Variants in MEX3D observed in about 807,000 individuals in gnomAD.
MEX3D encodes RNA-binding protein MEX3D.
Under a neutral mutation model 6.3 loss-of-function variants are expected in MEX3D, and 4 were observed. That is an observed-to-expected ratio of 0.64 (90% CI 0.31 to 1.46). MEX3D has a LOEUF of 1.46. Ranked by LOEUF, MEX3D falls within the 40% of genes most tolerant of loss-of-function variation. The pLI is 0.07. For missense variants in MEX3D, 1,038 were observed against 994.4 expected (o/e 1.04, Z -0.59); for synonymous variants, 626 against 494.1 (o/e 1.27, Z -3.54).
chr19:1,565,676 C>G (rs539773373), intron 1 of MEX3D, among the ~76,000 whole-genome samples: 1 of 152,196 alleles, frequency 6.6e-6, no homozygotes, highest in Non-Finnish European at 1.5e-5. Context: ...AATCAGGGCC[C>G]ACTCTACCCC....
chr19:1,556,064 G>A lies in MEX3D; in HGVS notation c.1455C>T (p.Phe485=). 1 of 1,392,904 alleles carries A rather than the reference G, an allele frequency of 7.2e-7. No individual in the cohort carries two copies. Among genetic ancestry groups the A allele is most frequent in the Non-Finnish European group, 9.3e-7 (1 of 1,071,490 alleles). The allele number at this position is 1,392,904 out of a possible 1,614,324, so 86.3% of individuals were successfully genotyped here. A position where few individuals can be genotyped will look rare whatever the true frequency, so the allele number is the denominator to read the frequency against. The stretch of plus-strand genomic sequence containing the variant: ...CTCCGTTGACCGTGGAGCAGCCGCT[G>A]AAGGCGGGCAAGGGGGCGGCGCGCT... The part of the protein sequence containing the change: ...PFERAAPLPA[F]SGCSTVNGAP... The change falls in exon 2 of 2, where the codon TTC becomes TTT. Residue 485 remains phenylalanine, a synonymous_variant. Transcript: ENST00000402693. The surrounding 1 kb of genome is among the most constrained non-coding windows in gnomAD (Gnocchi z 7.5).
intron 1 of MEX3D, among the ~76,000 whole-genome samples, chr19:1,565,877 T>C (rs1914826388): frequency 6.6e-6 from 1 of 152,218 alleles, no homozygotes; most frequent in Non-Finnish European, 1.5e-5. Flanking sequence ...CTGACGCTGA[T>C]TCCTGCCAGC....
At position 1,561,587 on chromosome 19, in the gene MEX3D, G is replaced by T. The variant is rs548226996; in HGVS notation, c.596-4664C>A. Among the ~76,000 whole-genome samples the T allele has an allele frequency of 1.4e-4, 22 of 152,198 alleles. No individual in the cohort carries two copies. In the South Asian group the frequency reaches 3.5e-3, roughly 24 times the overall value. ...GTGGCTCACACCCGTACGTAGTTCC[G>T]GCACTTTGGGAGGCCAAGGCAGGAG... On this transcript the variant is annotated intron_variant, in intron 1 of 1. Transcript: ENST00000402693.
intron 1 of MEX3D, among the ~76,000 whole-genome samples, chr19:1,562,915 G>A (rs535337981): frequency 6.6e-6 from 1 of 152,252 alleles, no homozygotes; most frequent in East Asian, 1.9e-4. Flanking sequence ...CTACTCGGGA[G>A]GCTGAGGTGA....
At chr19:1,559,732 G>A (rs1342929427) in intron 1 of MEX3D, among the ~76,000 whole-genome samples, 4 of 152,156 alleles carry the variant, frequency 2.6e-5, no homozygotes, top group Admixed American at 1.3e-4. Flanking sequence ...CACTTTTGAC[G>A]GGGAAGAAGT....
chr19:1,567,654 C>A lies in MEX3D; in HGVS notation c.405G>T (p.Pro135=). The A allele has an allele frequency of 8.3e-7, 1 of 1,209,656 alleles. No homozygotes were observed. The highest frequency in any genetic ancestry group is 1.0e-6 in the Non-Finnish European group (1 of 965,684). 74.9% of individuals were successfully genotyped at this position (1,209,656 alleles called of 1,614,324 possible). ...PLLDPNASPP[P]PPPPRPSPPD... Reference sequence around the variant, plus strand: ...GGGGCGACGGCCGGGGCGGCGGCGGCGGCGGGGGACTCGCGTTGGGGTCCA... The same window carrying A: ...GGGGCGACGGCCGGGGCGGCGGCGGAGGCGGGGGACTCGCGTTGGGGTCCA... The change falls in exon 1 of 2, where the codon CCG becomes CCT. Residue 135 remains proline (P), a synonymous_variant. Coordinates refer to ENST00000402693, the MANE Select transcript of MEX3D (RefSeq NM_203304.4). The surrounding 1 kb of genome is among the most constrained non-coding windows in gnomAD (Gnocchi z 6.5).
intron 1 of MEX3D, among the ~76,000 whole-genome samples, chr19:1,566,713 C>G (rs566672347): frequency 6.6e-6 from 1 of 152,076 alleles, no homozygotes; most frequent in South Asian, 2.1e-4. Context: ...GGCCAATGAG[C>G]AGCGGCCGGC....
intron 1 of MEX3D, among the ~76,000 whole-genome samples, chr19:1,557,763 G>A (rs1340145718): frequency 6.8e-6 from 1 of 148,108 alleles, no homozygotes; most frequent in Non-Finnish European, 1.5e-5. Flanking sequence ...GGAGGCTGAG[G>A]CGGAAGAATC....
At position 1,567,054 on chromosome 19, in the gene MEX3D, C is replaced by A. The variant is rs2092933088; in HGVS notation, c.595+410G>T. On this transcript the variant is annotated intron_variant, in intron 1 of 1. Coordinates refer to ENST00000402693, the MANE Select transcript of MEX3D (RefSeq NM_203304.4). This position sits in a 1 kb window ranked among gnomAD's most constrained non-coding sequence, Gnocchi z 6.5. ...CGGTCCTGCAGGCGGCCCCCCTAAG[C>A]CACCCCTAAACCTGCGCTTGCCCCG... Among the ~76,000 whole-genome samples the A allele has an allele frequency of 6.6e-6, 1 of 152,110 alleles. No homozygotes were observed. Among genetic ancestry groups the A allele is most frequent in the Non-Finnish European group, 1.5e-5 (1 of 67,982 alleles).
rs770017286 is a variant in MEX3D, at chr19:1,555,363, C to T, written c.*200G>A. On this transcript the variant is annotated 3_prime_UTR_variant, in exon 2 of 2. Coordinates refer to ENST00000402693, the MANE Select transcript of MEX3D (RefSeq NM_203304.4). ...TGTCGTTGAAGGGCTGAGGCGCCGC[C>T]GGGCTGCGGGGTCTCCGTCTCCACG... 15 of 1,602,552 alleles carry T rather than the reference C, an allele frequency of 9.4e-6. No individual in the cohort carries two copies. Among genetic ancestry groups the T allele is most frequent in the Middle Eastern group, 3.3e-4 (2 of 6,038 alleles).
At chr19:1,566,943 C>T (rs993517402) in intron 1 of MEX3D, among the ~76,000 whole-genome samples, 6 of 152,180 alleles carry the variant, frequency 3.9e-5, no homozygotes, top group Non-Finnish European at 7.4e-5. Flanking sequence ...CAGGGACCCT[C>T]TCCTGCCCGG....
At position 1,558,117 on chromosome 19, in the gene MEX3D, C is replaced by T. The variant is rs185355960; in HGVS notation, c.596-1194G>A. 4.3e-3 allele frequency among the ~76,000 whole-genome samples: 653 copies of T among 150,306 alleles called. 6 individuals carry two copies. The highest frequency in any genetic ancestry group is 0.015 in the African/African-American group (622 of 40,950). ...GCTCACACCCGTAATCCTAGTACTT[C>T]GGGAATCTGAGGCAGGAGGATCACT... On this transcript the variant is annotated intron_variant, in intron 1 of 1. Transcript: ENST00000402693.
rs1157789541 is a variant in MEX3D at position 1,556,216 on chromosome 19, C to A, written c.1303G>T (p.Gly435Cys). 7.0e-7 allele frequency: 1 copy of A among 1,425,318 alleles called. No homozygotes were observed. The highest frequency in any genetic ancestry group is 1.5e-5 in the African/African-American group (1 of 65,664). The allele number at this position is 1,425,318 out of a possible 1,614,324, so 88.3% of individuals were successfully genotyped here. A position where few individuals can be genotyped will look rare whatever the true frequency, so the allele number is the denominator to read the frequency against. ...ACCGGGGCACCGGGACCCTCCGCGC[C>A]GAAGGCGAAGCCCCCGTTGCCGGAG... ...SGSGNGGFAF[G>C]AEGPGAPVGT... Residue 435 changes from glycine (G) to cysteine (C), a missense_variant, in exon 2 of 2, where the codon GGC becomes TGC. Coordinates refer to ENST00000402693, the MANE Select transcript of MEX3D (RefSeq NM_203304.4). The surrounding 1 kb of genome is among the most constrained non-coding windows in gnomAD (Gnocchi z 7.5).
rs1169782605 is a variant in MEX3D, at chr19:1,568,227, C to G, written c.-169G>C. Among the ~76,000 whole-genome samples, 2 of 135,676 alleles carry G rather than the reference C, an allele frequency of 1.5e-5. No individual in the cohort carries two copies. Among genetic ancestry groups the G allele is most frequent in the African/African-American group, 2.6e-5 (1 of 37,882 alleles). 89.0% of individuals were successfully genotyped at this position (135,676 alleles called of 152,430 possible). ...GCGGCGGCGCGGGGCTGCTCGGGGC[C>G]GGGCCGGGCCGGGCCGGGCGGCGGC... On this transcript the variant is annotated 5_prime_UTR_variant, in exon 1 of 2. Coordinates refer to ENST00000402693, the MANE Select transcript of MEX3D (RefSeq NM_203304.4).
chr19:1,555,435 A>ACC lies in MEX3D; in HGVS notation c.*126_*127dup, dbSNP rs200001023. 1.3e-4 allele frequency: 127 copies of ACC among 975,582 alleles called. No individual in the cohort carries two copies. The highest frequency in any genetic ancestry group is 2.8e-4 in the South Asian group (19 of 68,708). The allele number at this position is 975,582 out of a possible 1,614,324, so 60.4% of individuals were successfully genotyped here. On this transcript the variant is annotated 3_prime_UTR_variant, in exon 2 of 2. Transcript: ENST00000402693. ...CATCTGTAAACACTGGCCGCCGCCCACCCCCCTGCCCCCTCGGCCTCCGCC... is the reference window on the plus strand; with the variant it reads ...CATCTGTAAACACTGGCCGCCGCCCACCCCCCCCTGCCCCCTCGGCCTCCGCC...
At chr19:1,560,962 G>A (rs968370771) in intron 1 of MEX3D, among the ~76,000 whole-genome samples, 14 of 152,210 alleles carry the variant, frequency 9.2e-5, no homozygotes, top group African/African-American at 2.4e-4. Flanking sequence ...CCTGAAGGGC[G>A]GGCTCTGGGG....
At chr19:1,561,213 C>T (rs1387921482) in intron 1 of MEX3D, among the ~76,000 whole-genome samples, 4 of 152,216 alleles carry the variant, frequency 2.6e-5, no homozygotes, top group Middle Eastern at 3.2e-3. Flanking sequence ...TGACCGTGCA[C>T]TACGACTTAC....
rs1914572387 is a variant in MEX3D, at chr19:1,556,623, A to G, written c.896T>C (p.Ile299Thr). The change falls in exon 2 of 2, where the codon ATC (isoleucine) becomes ACC (threonine). Residue 299 changes from isoleucine to threonine, a missense_variant. Around this residue, in one of 5 missense-constraint regions of MEX3D, gnomAD observed 65 missense variants for 109.3 expected, o/e 0.59. Transcript: ENST00000402693. The surrounding 1 kb of genome is among the most constrained non-coding windows in gnomAD (Gnocchi z 7.5). ...GATGTAGGTGTGCGTCCGCTGCTGG[A>G]TGCGCTTGATGGTGGCGCCCTTGGG... is the stretch of plus-strand genomic sequence containing the variant. ...VGPKGATIKRIQQRTHTYIVT... is the reference protein window; with the variant it reads ...VGPKGATIKRTQQRTHTYIVT... 1 of 1,610,306 alleles carries G rather than the reference A, an allele frequency of 6.2e-7. No individual in the cohort carries two copies. The highest frequency in any genetic ancestry group is 8.5e-7 in the Non-Finnish European group (1 of 1,179,186).
Position 1,556,980 on chromosome 19 carries a change from C to T in MEX3D, c.596-57G>A. The T allele has an allele frequency of 2.0e-6, 3 of 1,521,050 alleles. No individual in the cohort carries two copies. Among genetic ancestry groups the T allele is most frequent in the Non-Finnish European group, 8.8e-7 (1 of 1,140,742 alleles). The allele number at this position is 1,521,050 out of a possible 1,614,324, so 94.2% of individuals were successfully genotyped here. A position where few individuals can be genotyped will look rare whatever the true frequency, so the allele number is the denominator to read the frequency against. On this transcript the variant is annotated intron_variant, in intron 1 of 1. Transcript: ENST00000402693. The surrounding 1 kb of genome is among the most constrained non-coding windows in gnomAD (Gnocchi z 7.5). ...CCCAGAGCCCCCTGCGCAGCTCAGC[C>T]CCGCTGGGCATGCAGGCTGCAGGGC...
Sources: allele counts gnomAD v4.1 joint callset (sites outside exome capture counted in the v4.1 genomes callset), GRCh38; gene constraint gnomAD v4.1.1; regional missense constraint gnomAD v4.1.1; non-coding constraint Gnocchi (gnomAD v3.1); transcripts MANE v1.5; gene names NCBI Gene and HGNC (gene_info 2026-07-23, HGNC 2026-07-21).